The following VEZT variants were observed in gnomAD, a reference collection of about 807,000 sequenced individuals.
The protein encoded by VEZT is vezatin, adherens junctions transmembrane protein.
VEZT carries 39 observed loss-of-function variants against 79.9 expected under a neutral mutation model. The ratio of observed to expected loss-of-function variants is 0.49; its 90% confidence interval spans 0.38 to 0.64. VEZT has a LOEUF of 0.64. Among genes scored for constraint, VEZT ranks in the 30% least tolerant of loss-of-function variants. The pLI, the probability that VEZT is intolerant of heterozygous loss-of-function variation, is 0.00. For synonymous variants in VEZT, 325 were observed against 327.6 expected (o/e 0.99, Z 0.09); for missense variants, 837 against 893.1 (o/e 0.94, Z 0.80).
chr12:95,275,427 C>A (rs1478537896), intron 7 of VEZT, among the ~76,000 whole-genome samples: 1 of 152,000 alleles, frequency 6.6e-6, no homozygotes, highest in Non-Finnish European at 1.5e-5. Context: ...TGGTGAAACC[C>A]CACCTCTACT....
intron 7 of VEZT, among the ~76,000 whole-genome samples, chr12:95,278,073 T>C (rs2068159714): frequency 6.6e-6 from 1 of 152,246 alleles, no homozygotes; most frequent in Non-Finnish European, 1.5e-5. Context: ...ATTTGACTAC[T>C]GTGTGGTCCT....
In VEZT at chr12:95,282,607, C is replaced by G. The variant is rs751816691; in HGVS notation, c.1291C>G (p.Arg431Gly). ...RELNNVHTAV[R>G]SLQLHLKALL... ...ACTGAATAATGTTCACACAGCAGTGCGTAGCTTGCAGCTCCATCTGAAAGC... is the reference window on the plus strand; with the variant it reads ...ACTGAATAATGTTCACACAGCAGTGGGTAGCTTGCAGCTCCATCTGAAAGC... Residue 431 changes from arginine to glycine, a missense_variant, in exon 8 of 12, where the codon CGT becomes GGT. Physicochemically the swap from Arg to Gly is moderately radical, Grantham distance 125. Coordinates refer to ENST00000436874, the MANE Select transcript of VEZT (RefSeq NM_017599.4). 6.2e-7 allele frequency: 1 copy of G among 1,610,494 alleles called. No homozygotes were observed. Among genetic ancestry groups the G allele is most frequent in the Non-Finnish European group, 8.5e-7 (1 of 1,177,400 alleles).
intron 4 of VEZT, 57 bp from the exon 5 acceptor site, chr12:95,266,300 A>C (rs1176895017): frequency 4.6e-6 from 7 of 1,515,790 alleles, no homozygotes; most frequent in Non-Finnish European, 6.2e-6. Flanking sequence ...GATTAAAGTA[A>C]TTCATCTTTC....
rs766699795 is a variant in VEZT, at chr12:95,282,492, T to C, written c.1176T>C (p.Leu392=). 1 of 1,614,014 alleles carries C rather than the reference T, an allele frequency of 6.2e-7. No homozygotes were observed. Among genetic ancestry groups the C allele is most frequent in the South Asian group, 1.1e-5 (1 of 91,084 alleles). The change falls in exon 8 of 12, where the codon CTT becomes CTC. Residue 392 remains leucine (L), a synonymous_variant. Coordinates refer to ENST00000436874, the MANE Select transcript of VEZT (RefSeq NM_017599.4). ...CTCATTCTGCCTGTTTGGAAGAGCTTAAGCGCAGCTATGAGTTCTATCGGT... is the reference window on the plus strand; with the variant it reads ...CTCATTCTGCCTGTTTGGAAGAGCTCAAGCGCAGCTATGAGTTCTATCGGT... The part of the protein sequence containing the change: ...PHAHSACLEE[L]KRSYEFYRYF...
chr12:95,245,176 G>A (rs1235880190), intron 1 of VEZT, among the ~76,000 whole-genome samples: 1 of 152,238 alleles, frequency 6.6e-6, no homozygotes, highest in African/African-American at 2.4e-5. Flanking sequence ...GGAGGTTGCA[G>A]TGAGCCAAGA....
At chr12:95,263,912 G>A (rs573932151) in intron 4 of VEZT, 2 of 152,074 alleles carry the variant, frequency 1.3e-5, no homozygotes, top group African/African-American at 4.8e-5. Flanking sequence ...TGGGTCTAGA[G>A]CAGAAGTCCC....
At chr12:95,241,721 T>C (rs1259971784) in intron 1 of VEZT, among the ~76,000 whole-genome samples, 1 of 152,064 alleles carries the variant, frequency 6.6e-6, no homozygotes, top group Non-Finnish European at 1.5e-5. Context: ...AACATAGTAG[T>C]TTTTTTGTTT....
At chr12:95,227,560 C>G (rs2058677061) in intron 1 of VEZT, among the ~76,000 whole-genome samples, 1 of 152,084 alleles carries the variant, frequency 6.6e-6, no homozygotes, top group South Asian at 2.1e-4. Flanking sequence ...AGGCTTGTCT[C>G]GAACTCCTGA....
At chr12:95,277,574 T>C (rs752289455) in intron 7 of VEZT, among the ~76,000 whole-genome samples, 37 of 152,380 alleles carry the variant, frequency 2.4e-4, no homozygotes, top group Non-Finnish European at 4.7e-4. Flanking sequence ...CCTTGCTTTA[T>C]TCTTTAAGGA....
chr12:95,279,612 A>G (rs1389043128), intron 7 of VEZT, among the ~76,000 whole-genome samples: 1 of 152,220 alleles, frequency 6.6e-6, no homozygotes. Context: ...TAGTCTTTAG[A>G]GACAAGGTCT....
intron 3 of VEZT, among the ~76,000 whole-genome samples, chr12:95,260,054 A>C (rs190756783): frequency 2.7e-5 from 4 of 149,758 alleles, no homozygotes; most frequent in Non-Finnish European, 5.9e-5. Context: ...GTGCCTTTCA[A>C]GTTTATTTGT....
chr12:95,222,577 C>T (rs2136478471), intron 1 of VEZT, among the ~76,000 whole-genome samples: 1 of 152,104 alleles, frequency 6.6e-6, no homozygotes, highest in African/African-American at 2.4e-5. Flanking sequence ...TATCTGATAG[C>T]ATAAGACCCT....
intron 1 of VEZT, among the ~76,000 whole-genome samples, chr12:95,249,310 A>T (rs2062155021): frequency 6.6e-6 from 1 of 151,972 alleles, no homozygotes. Context: ...GTTTTTTTTT[A>T]AAGTATGTAA....
At chr12:95,249,264 C>T (rs1260292881) in intron 1 of VEZT, among the ~76,000 whole-genome samples, 1 of 152,122 alleles carries the variant, frequency 6.6e-6, no homozygotes. Context: ...CATGGGAGTT[C>T]ATTTGAAGAA....
At position 95,296,171 on chromosome 12, in the gene VEZT, G is replaced by A. The variant is rs2074091125; in HGVS notation, c.1744G>A (p.Val582Met). ...GCGTGAGCATGAAGAATCCAAGAGGGTGCTCCAAGAATTAAAATCTGTGCT... is the reference window on the plus strand; with the variant it reads ...GCGTGAGCATGAAGAATCCAAGAGGATGCTCCAAGAATTAAAATCTGTGCT... ...QKREHEESKR[V>M]LQELKSVLGF... Residue 582 changes from valine (V) to methionine (M), a missense_variant, in exon 11 of 12, where the codon GTG (valine) becomes ATG (methionine). Val to Met is a conservative substitution (Grantham distance 21). Transcript: ENST00000436874. 2.5e-6 allele frequency: 4 copies of A among 1,580,602 alleles called. No homozygotes were observed. Among genetic ancestry groups the A allele is most frequent in the Non-Finnish European group, 3.4e-6 (4 of 1,162,108 alleles).
At chr12:95,218,171 A>C in intron 1 of VEZT, 2 of 303,088 alleles carry the variant, frequency 6.6e-6, no homozygotes, top group South Asian at 1.0e-4. Context: ...CCTTCCTGGG[A>C]ATGGATGTGC....
chr12:95,285,267 C>A (rs1355059185), intron 8 of VEZT, among the ~76,000 whole-genome samples: 1 of 150,944 alleles, frequency 6.6e-6, no homozygotes, highest in Non-Finnish European at 1.5e-5. Context: ...ACATGGGAAA[C>A]CCTTATCTCT....
chr12:95,259,209 CATTAGA>C (rs2063965016), intron 3 of VEZT, among the ~76,000 whole-genome samples: 1 of 136,792 alleles, frequency 7.3e-6, no homozygotes, highest in African/African-American at 2.7e-5. Flanking sequence ...TTTCTTGATC[CATTAGA>C]ATCTTTTCAA....
Position 95,302,127 on chromosome 12 carries a change from A to G in VEZT, c.*1454A>G, listed in dbSNP as rs943193737. The G allele has an allele frequency of 3.9e-5, 6 of 152,174 alleles. No individual in the cohort carries two copies. Among genetic ancestry groups the G allele is most frequent in the Non-Finnish European group, 8.8e-5 (6 of 68,018 alleles). 9.4% of individuals were successfully genotyped at this position (152,174 alleles called of 1,614,324 possible). On this transcript the variant is annotated 3_prime_UTR_variant, in exon 12 of 12. Transcript: ENST00000436874. Reference sequence around the variant, plus strand: ...TGTTATAACTGTTAAATTATTCAATAATACTTAGGGTTTACTTTCTTATTT... The same window carrying G: ...TGTTATAACTGTTAAATTATTCAATGATACTTAGGGTTTACTTTCTTATTT...
Sources: gnomAD v4.1 joint callset for allele counts (sites outside exome capture counted in the v4.1 genomes callset) on GRCh38, gnomAD v4.1.1 for gene constraint, MANE v1.5 for transcripts, NCBI Gene and HGNC (gene_info 2026-07-23, HGNC 2026-07-21) for gene names.